The following CSMD3 variants were observed in gnomAD, a reference collection of about 807,000 sequenced individuals.
The protein encoded by CSMD3 is CUB and sushi domain-containing protein 3.
A neutral mutation model predicts 435.2 loss-of-function variants in CSMD3; 177 were observed. The ratio of observed to expected loss-of-function variants is 0.41; its 90% CI spans 0.36 to 0.46. The LOEUF is 0.46. Ranked by LOEUF, CSMD3 falls within the 20% of genes least tolerant of loss-of-function variation. The pLI is 0.34. For synonymous variants in CSMD3, 1,656 were observed against 1,520.5 expected (o/e 1.09, Z -2.07); for missense variants, 4,265 against 4,504.6 (o/e 0.95, Z 1.52).
intron 1 of CSMD3, among the ~76,000 whole-genome samples, chr8:113,394,404 A>G (rs2094474420): frequency 6.6e-6 from 1 of 152,136 alleles, no homozygotes; most frequent in Non-Finnish European, 1.5e-5. Flanking sequence ...TTAGAACAAA[A>G]TTTAGAAAAT....
intron 64 of CSMD3, among the ~76,000 whole-genome samples, chr8:112,246,393 T>A (rs975521833): frequency 7.9e-5 from 12 of 152,304 alleles, no homozygotes; most frequent in Middle Eastern, 3.4e-3. Flanking sequence ...AGAGATTTTT[T>A]TAAAAGGCAA....
chr8:112,312,546 G>T (rs570441725), intron 49 of CSMD3, among the ~76,000 whole-genome samples: 6 of 152,030 alleles, frequency 3.9e-5, no homozygotes, highest in African/African-American at 7.2e-5. Flanking sequence ...GTGAGCCACC[G>T]CGCCTGGCCA....
intron 22 of CSMD3, among the ~76,000 whole-genome samples, chr8:112,587,840 C>T (rs1830861444): frequency 6.6e-6 from 1 of 151,762 alleles, no homozygotes; most frequent in African/African-American, 2.4e-5. Context: ...TATCACCTTT[C>T]TCAGTATAGA....
chr8:112,307,768 T>G (rs759925795), intron 50 of CSMD3, among the ~76,000 whole-genome samples: 4 of 152,222 alleles, frequency 2.6e-5, no homozygotes, highest in Non-Finnish European at 5.9e-5. Context: ...ATATCTAGCT[T>G]ACACGTTTCA....
chr8:113,404,009 T>A (rs2129663958), intron 1 of CSMD3, among the ~76,000 whole-genome samples: 1 of 151,508 alleles, frequency 6.6e-6, no homozygotes, highest in Admixed American at 6.6e-5. Flanking sequence ...ATTTGAAACA[T>A]TAATAACTTC....
Position 112,351,287 on chromosome 8 carries a change from A to T in CSMD3, c.6256-43T>A, listed in dbSNP as rs187211391. ...TGTGGTTCAGTACACATACATAAAA[A>T]GTTTAAATTTATTGTAGCATAGTCA... On this transcript the variant is annotated intron_variant, in intron 39 of 70. Transcript: ENST00000297405. 5,419 of 1,316,720 alleles carry T rather than the reference A, an allele frequency of 4.1e-3. 17 individuals are homozygous for T. Among genetic ancestry groups the T allele is most frequent in the Non-Finnish European group, 5.3e-3 (4,784 of 910,570 alleles). The allele number at this position is 1,316,720 out of a possible 1,614,324, so 81.6% of individuals were successfully genotyped here.
At chr8:112,752,906 T>C (rs979310019) in intron 13 of CSMD3, among the ~76,000 whole-genome samples, 9 of 61,192 alleles carry the variant, frequency 1.5e-4, no homozygotes, top group Non-Finnish European at 2.2e-4. Flanking sequence ...ACCGCGTGTG[T>C]GTGTGTGTGT....
At chr8:112,941,200 G>T (rs1259980280) in intron 9 of CSMD3, among the ~76,000 whole-genome samples, 1 of 151,774 alleles carries the variant, frequency 6.6e-6, no homozygotes, top group African/African-American at 2.4e-5. Context: ...ATTCTAGGAG[G>T]AAGAAACAAC....
chr8:113,303,445 C>T (rs1325001072), intron 2 of CSMD3, among the ~76,000 whole-genome samples: 1 of 151,934 alleles, frequency 6.6e-6, no homozygotes, highest in East Asian at 1.9e-4. Context: ...AAAGAGCCCG[C>T]ATCACCAAGT....
chr8:113,142,109 G>A (rs1037191190), intron 4 of CSMD3, among the ~76,000 whole-genome samples: 5 of 151,008 alleles, frequency 3.3e-5, no homozygotes, highest in African/African-American at 1.2e-4. Context: ...AAATGCTAAT[G>A]GAAGAAATCA....
chr8:112,483,219 G>A (rs866128394), intron 31 of CSMD3, among the ~76,000 whole-genome samples: 16 of 152,108 alleles, frequency 1.1e-4, no homozygotes, highest in Non-Finnish European at 1.8e-4. Flanking sequence ...GGCTGGGCGC[G>A]GTGGCTCACG....
At chr8:112,317,165 C>A (rs1822552069) in intron 47 of CSMD3, among the ~76,000 whole-genome samples, 1 of 151,872 alleles carries the variant, frequency 6.6e-6, no homozygotes, top group Admixed American at 6.6e-5. Context: ...CAAAAATTTT[C>A]TATGTTTTCT....
At chr8:112,268,564 T>C (rs569064127) in intron 59 of CSMD3, among the ~76,000 whole-genome samples, 2 of 152,228 alleles carry the variant, frequency 1.3e-5, no homozygotes, top group Non-Finnish European at 2.9e-5. Context: ...TGCATGTAAC[T>C]ATTAATATAC....
At chr8:112,506,648 C>T (rs1822554637) in intron 29 of CSMD3, 43 bp downstream of exon 29, 1 of 1,598,860 alleles carries the variant, frequency 6.3e-7, no homozygotes, top group Admixed American at 1.7e-5. Context: ...AATGGCCTAA[C>T]AATATATTTT....
chr8:113,181,301 T>C (rs1173808140), intron 3 of CSMD3, among the ~76,000 whole-genome samples: 1 of 152,066 alleles, frequency 6.6e-6, no homozygotes, highest in Non-Finnish European at 1.5e-5. Flanking sequence ...GTATGAAGCA[T>C]TGGAAAAGTT....
chr8:112,396,283 A>G (rs1830856102), intron 35 of CSMD3, among the ~76,000 whole-genome samples: 1 of 152,188 alleles, frequency 6.6e-6, no homozygotes. Flanking sequence ...TAAGTTATTA[A>G]CTGAGCATTC....
At chr8:112,568,983 C>G (rs1829285706) in intron 24 of CSMD3, among the ~76,000 whole-genome samples, 1 of 152,110 alleles carries the variant, frequency 6.6e-6, no homozygotes, top group South Asian at 2.1e-4. Flanking sequence ...TCATGATGGT[C>G]TAAAGTTAAA....
At chr8:113,249,903 A>T (rs1329794199) in intron 3 of CSMD3, among the ~76,000 whole-genome samples, 1 of 152,092 alleles carries the variant, frequency 6.6e-6, no homozygotes, top group East Asian at 1.9e-4. Flanking sequence ...CAACTGGGGA[A>T]CAGTTCTATA....
At chr8:112,499,554 T>C (rs1255592734) in intron 30 of CSMD3, among the ~76,000 whole-genome samples, 1 of 151,852 alleles carries the variant, frequency 6.6e-6, no homozygotes, top group Non-Finnish European at 1.5e-5. Context: ...ACAAAACAAA[T>C]CCTATGACAA....
Sources: allele counts gnomAD v4.1 joint callset (sites outside exome capture counted in the v4.1 genomes callset), GRCh38; gene constraint gnomAD v4.1.1; transcripts MANE v1.5; gene names NCBI Gene and HGNC (gene_info 2026-07-23, HGNC 2026-07-21).